Variants in MECOM observed in about 807,000 individuals in gnomAD.
MECOM encodes the protein histone-lysine N-methyltransferase MECOM.
Under a neutral mutation model 116.3 loss-of-function variants are expected in MECOM, and 13 were observed. The ratio of observed to expected loss-of-function variants is 0.11; its 90% CI spans 0.07 to 0.18. The LOEUF is 0.18. Ranked by LOEUF, MECOM falls within the 10% of genes least tolerant of loss-of-function variation. The pLI, the probability that MECOM is intolerant of heterozygous loss-of-function variation, is 1.00. For synonymous variants in MECOM, 528 were observed against 535.2 expected (o/e 0.99, Z 0.19); for missense variants, 1,299 against 1,509.0 (o/e 0.86, Z 2.31).
chr3:169,530,444 G>A (rs1387642526), intron 1 of MECOM, among the ~76,000 whole-genome samples: 1 of 152,172 alleles, frequency 6.6e-6, no homozygotes, highest in African/African-American at 2.4e-5. Context: ...GATTTGAGGG[G>A]TGAGAGGTGA....
intron 1 of MECOM, among the ~76,000 whole-genome samples, chr3:169,571,828 CA>C (rs1763950211): frequency 6.6e-6 from 1 of 152,102 alleles, no homozygotes; most frequent in African/African-American, 2.4e-5. Flanking sequence ...ACACCTTATA[CA>C]AAATTAACTA....
At chr3:169,121,830 A>C (rs913607584) in intron 6 of MECOM, among the ~76,000 whole-genome samples, 2 of 152,180 alleles carry the variant, frequency 1.3e-5, no homozygotes, top group Non-Finnish European at 2.9e-5. Context: ...ATGTGCATAG[A>C]ACAAGGTAAT....
intron 2 of MECOM, among the ~76,000 whole-genome samples, chr3:169,268,789 A>G (rs977963549): frequency 6.6e-6 from 1 of 152,192 alleles, no homozygotes; most frequent in Non-Finnish European, 1.5e-5. Flanking sequence ...TGTATTTCCT[A>G]TCGCACAACT....
chr3:169,639,947 G>A (rs1374637899), intron 1 of MECOM, among the ~76,000 whole-genome samples: 1 of 152,126 alleles, frequency 6.6e-6, no homozygotes, highest in African/African-American at 2.4e-5. Context: ...TGGGCCACCT[G>A]TGCCTCATCT....
At chr3:169,289,324 T>A (rs1190687821) in intron 2 of MECOM, among the ~76,000 whole-genome samples, 1 of 152,174 alleles carries the variant, frequency 6.6e-6, no homozygotes, top group Non-Finnish European at 1.5e-5. Context: ...CACTAACCTG[T>A]AATTATATTG....
intron 1 of MECOM, among the ~76,000 whole-genome samples, chr3:169,452,191 G>A (rs78357734): frequency 6.6e-6 from 1 of 151,878 alleles, no homozygotes; most frequent in Admixed American, 6.6e-5. Context: ...CCCAACTACA[G>A]CTTGGTAGAC....
At chr3:169,273,423 C>A (rs1032074212) in intron 2 of MECOM, among the ~76,000 whole-genome samples, 1 of 152,100 alleles carries the variant, frequency 6.6e-6, no homozygotes, top group African/African-American at 2.4e-5. Context: ...ATCATGCTTC[C>A]ACATAGAAAT....
At chr3:169,434,323 C>T (rs1742262691) in intron 1 of MECOM, among the ~76,000 whole-genome samples, 1 of 152,154 alleles carries the variant, frequency 6.6e-6, no homozygotes, top group African/African-American at 2.4e-5. Context: ...AAATTAGCTA[C>T]TCTCCTTGGG....
intron 1 of MECOM, among the ~76,000 whole-genome samples, chr3:169,625,647 A>T (rs1331808438): frequency 6.6e-6 from 1 of 152,252 alleles, no homozygotes; most frequent in African/African-American, 2.4e-5. Context: ...TGAAATTCAC[A>T]GTCTTTCCAC....
intron 1 of MECOM, among the ~76,000 whole-genome samples, chr3:169,620,076 T>C (rs1770528534): frequency 6.6e-6 from 1 of 152,204 alleles, no homozygotes; most frequent in African/African-American, 2.4e-5. Context: ...GCCGAAGCAA[T>C]GGGACTTCCT....
chr3:169,504,669 C>G (rs1247180607), intron 1 of MECOM, among the ~76,000 whole-genome samples: 1 of 152,146 alleles, frequency 6.6e-6, no homozygotes, highest in African/African-American at 2.4e-5. Context: ...CTAAATGAGA[C>G]TTGTGGGATG....
intron 1 of MECOM, among the ~76,000 whole-genome samples, chr3:169,660,710 G>C (rs187203549): frequency 9.0e-4 from 137 of 152,312 alleles, no homozygotes; most frequent in African/African-American, 2.9e-3. Context: ...GAGCAGTGAA[G>C]TTTTCGTTGG....
At chr3:169,615,453 T>C (rs1769882193) in intron 1 of MECOM, among the ~76,000 whole-genome samples, 1 of 152,246 alleles carries the variant, frequency 6.6e-6, no homozygotes, top group Non-Finnish European at 1.5e-5. Context: ...ATATTAGTAG[T>C]AAAATGTTTG....
chr3:169,194,286 G>A (rs1748110852), intron 2 of MECOM, among the ~76,000 whole-genome samples: 1 of 152,002 alleles, frequency 6.6e-6, no homozygotes, highest in African/African-American at 2.4e-5. Flanking sequence ...GACACAGGAA[G>A]GGGAACATCA....
chr3:169,649,609 A>C (rs1007111946), intron 1 of MECOM, among the ~76,000 whole-genome samples: 11 of 152,052 alleles, frequency 7.2e-5, no homozygotes, highest in African/African-American at 2.7e-4. Context: ...TATAGGATTT[A>C]ATTCATCATG....
At chr3:169,284,658 C>T (rs1469304718) in intron 2 of MECOM, among the ~76,000 whole-genome samples, 1 of 151,894 alleles carries the variant, frequency 6.6e-6, no homozygotes, top group Admixed American at 6.6e-5. Flanking sequence ...ATGTGCTGCT[C>T]ACAAAAGTTG....
chr3:169,295,611 A>G (rs1377129126), intron 2 of MECOM, among the ~76,000 whole-genome samples: 1 of 152,238 alleles, frequency 6.6e-6, no homozygotes, highest in Non-Finnish European at 1.5e-5. Flanking sequence ...AAAATAAACT[A>G]GTAGCATTCT....
At chr3:169,233,248 C>T (rs1276548729) in intron 2 of MECOM, among the ~76,000 whole-genome samples, 5 of 152,094 alleles carry the variant, frequency 3.3e-5, no homozygotes, top group African/African-American at 1.2e-4. Flanking sequence ...GAATACAGAA[C>T]ATCATCCTAG....
chr3:169,549,057 T>C (rs1053153448), intron 1 of MECOM, among the ~76,000 whole-genome samples: 11 of 145,930 alleles, frequency 7.5e-5, no homozygotes, highest in African/African-American at 2.8e-4. Flanking sequence ...CACTGCAACC[T>C]CCGCCTCCCG....
Sources: allele counts gnomAD v4.1 joint callset (sites outside exome capture counted in the v4.1 genomes callset), GRCh38; gene constraint gnomAD v4.1.1; transcripts MANE v1.5; gene names NCBI Gene and HGNC (gene_info 2026-07-23, HGNC 2026-07-21).